Variants in CLEC16A observed in about 807,000 individuals in gnomAD.
CLEC16A encodes the protein C-type lectin domain containing 16A.
Under a neutral mutation model 109.5 loss-of-function variants are expected in CLEC16A, and 51 were observed. That is an observed-to-expected ratio of 0.47 (90% confidence interval 0.37 to 0.59). The LOEUF is 0.59. Among genes scored for constraint, CLEC16A ranks in the 20% least tolerant of loss-of-function variants. The pLI is 0.00. For synonymous variants in CLEC16A, 673 were observed against 564.2 expected, an observed-to-expected ratio of 1.19 and a Z score of -2.73; for missense variants, 1,339 against 1,394.0, an observed-to-expected ratio of 0.96 and a Z score of 0.63.
intron 19 of CLEC16A, among the ~76,000 whole-genome samples, chr16:11,106,804 A>AC (rs1227560227): frequency 6.6e-6 from 1 of 151,548 alleles, no homozygotes; most frequent in African/African-American, 2.4e-5. Context: ...TTATTTTATT[A>AC]CCCCCCGCCT....
intron 11 of CLEC16A, among the ~76,000 whole-genome samples, chr16:11,016,354 CTTT>C (rs111279202): frequency 7.1e-6 from 1 of 141,638 alleles, no homozygotes; most frequent in Admixed American, 7.0e-5. Flanking sequence ...CTTTTTTTTT[CTTT>C]TTTTTTTTTG....
At chr16:11,021,861 A>G (rs1193185080) in intron 12 of CLEC16A, among the ~76,000 whole-genome samples, 1 of 152,182 alleles carries the variant, frequency 6.6e-6, no homozygotes, top group Non-Finnish European at 1.5e-5. Context: ...AGGGTTTGAT[A>G]AATGGAAACA....
chr16:11,035,132 T>A (rs2152836920), intron 13 of CLEC16A, among the ~76,000 whole-genome samples: 1 of 152,340 alleles, frequency 6.6e-6, no homozygotes, highest in East Asian at 1.9e-4. Context: ...ATGCAATGAT[T>A]GTTATAGAAA....
rs1228470561 is a variant in CLEC16A at position 11,166,382 on chromosome 16, T to C, written c.2642-6T>C. 2 of 1,594,552 alleles carry C rather than the reference T, an allele frequency of 1.3e-6. No homozygotes were observed. The highest frequency in any genetic ancestry group is 2.7e-5 in the African/African-American group (2 of 74,870). ...CCACTTGGTCACCTGGTACTTTGTC[T>C]TGCAGGCTTCGCCGTGGCCCAGTGC... is the stretch of plus-strand genomic sequence containing the variant. On this transcript the variant is annotated splice_polypyrimidine_tract_variant and splice_region_variant and intron_variant, in intron 22 of 23. Coordinates refer to ENST00000409790, the MANE Select transcript of CLEC16A (RefSeq NM_015226.3).
chr16:11,089,806 A>G, intron 19 of CLEC16A, among the ~76,000 whole-genome samples: 1 of 152,236 alleles, frequency 6.6e-6, no homozygotes, highest in East Asian at 1.9e-4. Flanking sequence ...CATGACTCGC[A>G]GCATGGGCTG....
intron 19 of CLEC16A, among the ~76,000 whole-genome samples, chr16:11,083,174 G>C (rs888813928): frequency 6.6e-6 from 1 of 151,842 alleles, no homozygotes; most frequent in African/African-American, 2.4e-5. Flanking sequence ...TTTGTTTGTT[G>C]TTGTTTGAGG....
chr16:11,025,380 C>T (rs968291), intron 13 of CLEC16A, among the ~76,000 whole-genome samples: 1 of 152,168 alleles, frequency 6.6e-6, no homozygotes, highest in Admixed American at 6.5e-5. Flanking sequence ...GGTTTCCTTT[C>T]TGAAGAAAGG....
intron 9 of CLEC16A, among the ~76,000 whole-genome samples, chr16:10,981,249 G>A (rs2043306477): frequency 6.6e-6 from 1 of 152,218 alleles, no homozygotes; most frequent in South Asian, 2.1e-4. Context: ...ACGGATATTT[G>A]AGAATGAATG....
chr16:10,961,239 A>G lies in CLEC16A; in HGVS notation c.210-1216A>G, dbSNP rs549966664. Reference sequence around the variant, plus strand: ...GTCAACATGAATGGCATTTACAGGCAGATGGGCCTCCGAGTTGGAGAAGAT... The same window carrying G: ...GTCAACATGAATGGCATTTACAGGCGGATGGGCCTCCGAGTTGGAGAAGAT... On this transcript the variant is annotated intron_variant, in intron 2 of 23. Coordinates refer to ENST00000409790, the MANE Select transcript of CLEC16A (RefSeq NM_015226.3). This position sits in a 1 kb window ranked among gnomAD's most constrained non-coding sequence, Gnocchi z 4.3. Among the ~76,000 whole-genome samples, 1 of 152,252 alleles carries G rather than the reference A, an allele frequency of 6.6e-6. No individual in the cohort carries two copies. Among genetic ancestry groups the G allele is most frequent in the Non-Finnish European group, 1.5e-5 (1 of 68,050 alleles).
intron 10 of CLEC16A, among the ~76,000 whole-genome samples, chr16:10,990,326 CA>C (rs2043928027): frequency 6.6e-6 from 1 of 152,188 alleles, no homozygotes; most frequent in Non-Finnish European, 1.5e-5. Flanking sequence ...TTGATATAAT[CA>C]AAATCCAGAG....
chr16:11,154,782 A>G (rs999464753), intron 22 of CLEC16A, among the ~76,000 whole-genome samples: 1 of 151,942 alleles, frequency 6.6e-6, no homozygotes, highest in African/African-American at 2.4e-5. Flanking sequence ...AAAAAATTAG[A>G]CAGGTGTGGT....
At chr16:11,112,023 T>A (rs1247321547) in intron 19 of CLEC16A, among the ~76,000 whole-genome samples, 1 of 152,244 alleles carries the variant, frequency 6.6e-6, no homozygotes, top group African/African-American at 2.4e-5. Context: ...GGAGAGCTGT[T>A]AAATGGTGTA....
intron 19 of CLEC16A, among the ~76,000 whole-genome samples, chr16:11,073,833 T>G (rs909739490): frequency 8.5e-5 from 13 of 152,256 alleles, no homozygotes; most frequent in Non-Finnish European, 4.4e-5. Flanking sequence ...TTGAACTGAT[T>G]AAAGCTTTAG....
At chr16:11,154,323 ACT>A (rs991531929) in intron 22 of CLEC16A, among the ~76,000 whole-genome samples, 4 of 152,162 alleles carry the variant, frequency 2.6e-5, no homozygotes, top group Non-Finnish European at 5.9e-5. Flanking sequence ...CATCCATTCA[ACT>A]CTCTATCAAA....
chr16:10,997,719 T>G (rs2152740410), intron 10 of CLEC16A, among the ~76,000 whole-genome samples: 1 of 152,350 alleles, frequency 6.6e-6, no homozygotes, highest in East Asian at 1.9e-4. Flanking sequence ...CCAACCTCAG[T>G]ATCTTCCTCA....
At chr16:11,066,127 A>G (rs920272749) in intron 19 of CLEC16A, among the ~76,000 whole-genome samples, 2 of 152,010 alleles carry the variant, frequency 1.3e-5, no homozygotes, top group Admixed American at 1.3e-4. Flanking sequence ...CCTTAAGGGA[A>G]CTGAGTCTCC....
intron 11 of CLEC16A, among the ~76,000 whole-genome samples, chr16:11,019,507 G>A (rs975974212): frequency 1.3e-5 from 2 of 152,232 alleles, no homozygotes; most frequent in Admixed American, 6.5e-5. Flanking sequence ...GGTGGCTGAC[G>A]CCTGTAATCC....
intron 10 of CLEC16A, among the ~76,000 whole-genome samples, chr16:10,985,202 C>CAAAA (rs1157089518): frequency 9.6e-6 from 1 of 103,690 alleles, no homozygotes; most frequent in African/African-American, 3.9e-5. Flanking sequence ...GACTCCATCT[C>CAAAA]AAAAAAAAAA....
rs201467931 is a variant in CLEC16A, at chr16:11,126,032, G to C, written c.2527G>C (p.Gly843Arg). ...PTTEVLGFGL[G>R]SSTSTQHLPF... is the part of the protein sequence containing the mutation. ...CACTGAAGTCCTGGGGTTTGGACTCGGCTCCTCCACCTCCACTCAGCACCT... is the reference window on the plus strand; with the variant it reads ...CACTGAAGTCCTGGGGTTTGGACTCCGCTCCTCCACCTCCACTCAGCACCT... The change falls in exon 22 of 24, where the codon GGC (glycine) becomes CGC (arginine). Residue 843 changes from glycine (G) to arginine (R), a missense_variant. By Grantham distance (125) the Gly-to-Arg change is moderately radical. This residue lies in a region of CLEC16A where 1,061 missense variants were observed against 1,006.8 expected (regional missense o/e 1.05). Transcript: ENST00000409790. The C allele has an allele frequency of 6.2e-7, 1 of 1,613,572 alleles. No individual in the cohort carries two copies. Among genetic ancestry groups the C allele is most frequent in the Non-Finnish European group, 8.5e-7 (1 of 1,179,838 alleles).
Sources: gnomAD v4.1 joint callset for allele counts (sites outside exome capture counted in the v4.1 genomes callset) on GRCh38, gnomAD v4.1.1 for gene constraint, gnomAD v4.1.1 regional missense constraint, Gnocchi (gnomAD v3.1) non-coding constraint, MANE v1.5 for transcripts, NCBI Gene and HGNC (gene_info 2026-07-23, HGNC 2026-07-21) for gene names.